Variants in AFF2 observed in about 807,000 individuals in gnomAD.
AFF2 encodes the protein ALF transcription elongation factor 2, also known as AF4/FMR2 family member 2.
A neutral mutation model predicts 76.9 loss-of-function variants in AFF2; 14 were observed. The ratio of observed to expected loss-of-function variants is 0.18; its 90% CI spans 0.12 to 0.28. The LOEUF (loss-of-function observed/expected upper bound fraction) is 0.28. AFF2 is among the 10% of genes least tolerant of loss of function. AFF2 has a pLI of 1.00. For missense variants in AFF2, 868 were observed against 1,001.1 expected (o/e 0.87, Z 1.79); for synonymous variants, 398 against 366.7 (o/e 1.09, Z -0.98).
chrX:148,739,189 G>A (rs1557265404), intron 3 of AFF2, among the ~76,000 whole-genome samples: 1 of 111,591 alleles, frequency 9.0e-6, no homozygotes, highest in African/African-American at 3.3e-5. Context: ...CTGTCTTGAT[G>A]ACCTGTCTAG....
chrX:148,948,027 C>T (rs2071920544), intron 9 of AFF2, among the ~76,000 whole-genome samples: 1 of 112,012 alleles, frequency 8.9e-6, no homozygotes, highest in Admixed American at 9.5e-5. Context: ...TTATAGAATC[C>T]TCCCATGTAC....
Position 148,840,185 on chromosome X carries a change from G to A in AFF2, c.1173+2452G>A, listed in dbSNP as rs375442637. On this transcript the variant is annotated intron_variant, in intron 5 of 20. Transcript: ENST00000370460. ...GAAGTTTAATAAAGTTTTCCTGGAG[G>A]TAAACATCCTCTAGAACAGAGGTTG... is the stretch of plus-strand genomic sequence containing the variant. 1.1e-4 allele frequency among the ~76,000 whole-genome samples: 12 copies of A among 111,175 alleles called. No homozygotes were observed. The East Asian group carries it at 2.5e-3, about 24-fold the overall frequency.
intron 1 of AFF2, among the ~76,000 whole-genome samples, chrX:148,502,535 T>A (rs1399282985): frequency 4.4e-5 from 5 of 112,771 alleles, no homozygotes; most frequent in Non-Finnish European, 9.4e-5. Context: ...GCGTTTTGGA[T>A]ACCACGGTTT....
At chrX:148,525,596 A>G (rs1279336260) in intron 1 of AFF2, among the ~76,000 whole-genome samples, 2 of 112,041 alleles carry the variant, frequency 1.8e-5, no homozygotes, top group African/African-American at 3.2e-5. Context: ...TTTCAACACT[A>G]TCTATCTATA....
chrX:148,691,302 C>T (rs1292519676), intron 3 of AFF2, among the ~76,000 whole-genome samples: 2 of 112,159 alleles, frequency 1.8e-5, no homozygotes, highest in African/African-American at 3.2e-5. Flanking sequence ...TCATTTCATT[C>T]GCAAGTATGA....
intron 3 of AFF2, among the ~76,000 whole-genome samples, chrX:148,676,249 G>A (rs185019020): frequency 1.0e-4 from 11 of 107,926 alleles, no homozygotes; most frequent in African/African-American, 3.0e-4. Context: ...TAGTAGAGAC[G>A]GGGTTTCACC....
chrX:148,573,875 G>A (rs782721912), intron 1 of AFF2, among the ~76,000 whole-genome samples: 1 of 111,099 alleles, frequency 9.0e-6, no homozygotes, highest in South Asian at 3.8e-4. Context: ...GTCATGTTCC[G>A]ATGTGACAAT....
At chrX:148,966,480 T>A (rs1330067573) in intron 13 of AFF2, among the ~76,000 whole-genome samples, 1 of 109,708 alleles carries the variant, frequency 9.1e-6, no homozygotes, top group Non-Finnish European at 1.9e-5. Flanking sequence ...TATTCTTCCT[T>A]CCCTTTCCCC....
rs970421005 is a variant in AFF2 at position 148,975,793 on chromosome X, A to G, written c.3405-2140A>G. ...CCCCGTCTCTACTAAAAATACAAAA[A>G]ATTAGCCGGGCGTAGTGGCGGGCGC... On this transcript the variant is annotated intron_variant, in intron 16 of 20. Transcript: ENST00000370460. 5.1e-5 allele frequency among the ~76,000 whole-genome samples: 5 copies of G among 98,760 alleles called. No homozygotes were observed. The Admixed American group carries it at 5.7e-4, about 11-fold the overall frequency. 85.8% of individuals were successfully genotyped at this position (98,760 alleles called of 115,157 possible). A position where few individuals can be genotyped will look rare whatever the true frequency, so the allele number is the denominator to read the frequency against.
chrX:148,983,752 T>C (rs1557291105), intron 19 of AFF2, among the ~76,000 whole-genome samples: 1 of 108,849 alleles, frequency 9.2e-6, no homozygotes, highest in African/African-American at 3.3e-5. Context: ...TGTGAGACAC[T>C]CTGCCAGGCC....
chrX:148,676,146 G>A (rs782062894), intron 3 of AFF2, among the ~76,000 whole-genome samples: 3 of 102,462 alleles, frequency 2.9e-5, no homozygotes, highest in Non-Finnish European at 5.9e-5. Flanking sequence ...TGCAAGCTCC[G>A]CCTCCCAGGT....
chrX:148,564,070 G>A (rs1218740000), intron 1 of AFF2, among the ~76,000 whole-genome samples: 1 of 111,813 alleles, frequency 8.9e-6, no homozygotes, highest in African/African-American at 3.3e-5. Context: ...AATATATCCT[G>A]AAGGGAAAAA....
chrX:148,767,622 C>T (rs1233143311), intron 3 of AFF2, among the ~76,000 whole-genome samples: 1 of 111,850 alleles, frequency 8.9e-6, no homozygotes, highest in Non-Finnish European at 1.9e-5. Flanking sequence ...CTTGTAACCA[C>T]ATGCTGAAAA....
rs34108020 is a variant in AFF2, at chrX:148,700,985, G to GGA, written c.1041+38242_1041+38243dup. 2.7e-3 allele frequency among the ~76,000 whole-genome samples: 219 copies of GGA among 81,867 alleles called. 2 individuals carry two copies. Among genetic ancestry groups the GGA allele is most frequent in the African/African-American group, 9.7e-3 (189 of 19,538 alleles). 71.1% of individuals were successfully genotyped at this position (81,867 alleles called of 115,157 possible). On this transcript the variant is annotated intron_variant, in intron 3 of 20. Coordinates refer to ENST00000370460, the MANE Select transcript of AFF2 (RefSeq NM_002025.4). ...TGAGAACTTTTTGGTAGGTATGATG[G>GGA]GAGAGAGAGAGAGAGAGAGAGAGAG... is the stretch of plus-strand genomic sequence containing the variant.
intron 9 of AFF2, among the ~76,000 whole-genome samples, chrX:148,925,721 A>G (rs1425449504): frequency 1.8e-5 from 2 of 111,904 alleles, no homozygotes; most frequent in African/African-American, 6.5e-5. Flanking sequence ...TAATGGGGAT[A>G]ATGATAGAAT....
intron 9 of AFF2, among the ~76,000 whole-genome samples, chrX:148,907,036 C>T (rs2071414934): frequency 9.0e-6 from 1 of 111,667 alleles, no homozygotes; most frequent in Non-Finnish European, 1.9e-5. Context: ...CCCAAGGTTC[C>T]ATTCGTTGGA....
At chrX:148,674,376 G>A (rs186533728) in intron 3 of AFF2, among the ~76,000 whole-genome samples, 19 of 111,897 alleles carry the variant, frequency 1.7e-4, no homozygotes, top group African/African-American at 6.2e-4. Flanking sequence ...TCTTGTGCCT[G>A]TTATCAACAG....
At position 148,861,373 on chromosome X, in the gene AFF2, T is replaced by C. The variant is rs1455061847; in HGVS notation, c.1262+17940T>C. Among the ~76,000 whole-genome samples, 4 of 112,189 alleles carry C rather than the reference T, an allele frequency of 3.6e-5. No homozygotes were observed. The East Asian group carries it at 8.5e-4, about 24-fold the overall frequency. ...TATTTTAAGTGTGAAATATTTAGAT[T>C]CTCTTTTTCTAAATCCTTTATCATG... is the stretch of plus-strand genomic sequence containing the variant. On this transcript the variant is annotated intron_variant, in intron 7 of 20. Coordinates refer to ENST00000370460, the MANE Select transcript of AFF2 (RefSeq NM_002025.4).
chrX:148,561,683 A>G (rs2053115014), intron 1 of AFF2, among the ~76,000 whole-genome samples: 1 of 111,049 alleles, frequency 9.0e-6, no homozygotes, highest in Admixed American at 9.6e-5. Flanking sequence ...CTTTGGTCCT[A>G]GAAGGAATGC....
Sources: allele counts gnomAD v4.1 joint callset (sites outside exome capture counted in the v4.1 genomes callset), GRCh38; gene constraint gnomAD v4.1.1; transcripts MANE v1.5; gene names NCBI Gene and HGNC (gene_info 2026-07-23, HGNC 2026-07-21).